Variants in AFF2 observed in about 807,000 individuals in gnomAD.
AFF2 encodes ALF transcription elongation factor 2, also known as AF4/FMR2 family member 2.
Under a neutral mutation model 76.9 loss-of-function variants are expected in AFF2, and 14 were observed. The observed-to-expected ratio is 0.18, with a 90% CI of 0.12 to 0.28. The LOEUF is 0.28. Among genes scored for constraint, AFF2 ranks in the 10% least tolerant of loss-of-function variants. The pLI is 1.00. For missense variants in AFF2, 868 were observed against 1,001.1 expected (o/e 0.87, Z 1.79); for synonymous variants, 398 against 366.7 (o/e 1.09, Z -0.98).
intron 9 of AFF2, among the ~76,000 whole-genome samples, chrX:148,919,642 A>G (rs1557282998): frequency 9.0e-6 from 1 of 111,326 alleles, no homozygotes; most frequent in African/African-American, 3.3e-5. Flanking sequence ...AAAAAGTTAT[A>G]GGTTCACTTT....
At chrX:148,794,351 G>T in intron 3 of AFF2, among the ~76,000 whole-genome samples, 1 of 111,785 alleles carries the variant, frequency 8.9e-6, no homozygotes, top group East Asian at 2.8e-4. Context: ...GTTGGGGGGA[G>T]GACAATTTTG....
chrX:148,676,542 C>T, intron 3 of AFF2, among the ~76,000 whole-genome samples: 1 of 111,677 alleles, frequency 9.0e-6, no homozygotes, highest in Non-Finnish European at 1.9e-5. Context: ...TAGCTTAAGT[C>T]CAGAGATATA....
intron 7 of AFF2, among the ~76,000 whole-genome samples, chrX:148,885,397 A>G (rs781955384): frequency 3.0e-4 from 33 of 111,560 alleles, no homozygotes; most frequent in African/African-American, 1.1e-3. Context: ...ACCCAGCAGC[A>G]GAGGGCACTG....
chrX:148,579,589 A>T (rs1239660811), intron 1 of AFF2, among the ~76,000 whole-genome samples: 2 of 112,212 alleles, frequency 1.8e-5, no homozygotes, highest in Non-Finnish European at 3.8e-5. Flanking sequence ...CCCAACATAA[A>T]TGCTGTTTCA....
At chrX:148,765,565 C>T (rs1226737046) in intron 3 of AFF2, among the ~76,000 whole-genome samples, 7 of 111,582 alleles carry the variant, frequency 6.3e-5, no homozygotes, top group African/African-American at 2.3e-4. Context: ...TAGCATACAG[C>T]GTTTCTGGCT....
At chrX:148,506,328 C>G (rs782346282) in intron 1 of AFF2, among the ~76,000 whole-genome samples, 1 of 111,514 alleles carries the variant, frequency 9.0e-6, no homozygotes, top group Non-Finnish European at 1.9e-5. Context: ...GGGTTCTTGC[C>G]ATTTTATTGA....
At chrX:148,827,842 A>G (rs1054349825) in intron 4 of AFF2, among the ~76,000 whole-genome samples, 1 of 112,047 alleles carries the variant, frequency 8.9e-6, no homozygotes, top group African/African-American at 3.2e-5. Flanking sequence ...TGTTTTCTGA[A>G]TGAATGAAAT....
chrX:148,837,551 G>C, intron 4 of AFF2, 96 bp from the exon 5 acceptor site: 6 of 406,666 alleles, frequency 1.5e-5, no homozygotes, highest in South Asian at 3.5e-5. Flanking sequence ...GTTAAGTTAA[G>C]TTAGTATTTA....
At chrX:148,671,862 G>A (rs1557259123) in intron 3 of AFF2, among the ~76,000 whole-genome samples, 2 of 107,642 alleles carry the variant, frequency 1.9e-5, no homozygotes, top group African/African-American at 6.8e-5. Context: ...TAATCCTTTT[G>A]TCACCACCCA....
chrX:148,646,545 G>A (rs1367265853), intron 1 of AFF2, among the ~76,000 whole-genome samples: 1 of 112,036 alleles, frequency 8.9e-6, no homozygotes, highest in African/African-American at 3.2e-5. Flanking sequence ...AGGACCTCTG[G>A]ACTATTGATG....
intron 10 of AFF2, among the ~76,000 whole-genome samples, chrX:148,955,071 A>T (rs2072016711): frequency 8.8e-6 from 1 of 113,043 alleles, no homozygotes; most frequent in Middle Eastern, 4.6e-3. Flanking sequence ...TTTGTCCTTC[A>T]GTAAAAATAC....
intron 9 of AFF2, among the ~76,000 whole-genome samples, chrX:148,926,216 A>T (rs180989186): frequency 3.6e-5 from 4 of 111,913 alleles, no homozygotes; most frequent in Admixed American, 9.5e-5. Flanking sequence ...TTACGTAGAG[A>T]GTAAGTCCAG....
chrX:148,864,968 T>C (rs1269172566), intron 7 of AFF2, among the ~76,000 whole-genome samples: 1 of 112,232 alleles, frequency 8.9e-6, no homozygotes, highest in Non-Finnish European at 1.9e-5. Context: ...TATAATGTGT[T>C]AGCAGTCAGA....
At chrX:148,977,343 T>G (rs1436482421) in intron 16 of AFF2, among the ~76,000 whole-genome samples, 1 of 109,844 alleles carries the variant, frequency 9.1e-6, no homozygotes, top group East Asian at 2.8e-4. Flanking sequence ...TAAGGGTGCT[T>G]AGACCTTAAA....
At chrX:148,869,287 C>G (rs1240385247) in intron 7 of AFF2, among the ~76,000 whole-genome samples, 4 of 111,134 alleles carry the variant, frequency 3.6e-5, no homozygotes, top group Non-Finnish European at 7.5e-5. Flanking sequence ...TGAAAATGTT[C>G]CTGAACTAGA....
chrX:148,928,626 G>A (rs1328236251), intron 9 of AFF2, among the ~76,000 whole-genome samples: 1 of 111,951 alleles, frequency 8.9e-6, no homozygotes, highest in African/African-American at 3.2e-5. Flanking sequence ...AAGAAAGAGC[G>A]GCCCTGCTTT....
At chrX:148,911,075 T>TTATATATATA (rs35222291) in intron 9 of AFF2, among the ~76,000 whole-genome samples, 1 of 104,333 alleles carries the variant, frequency 9.6e-6, no homozygotes, top group African/African-American at 3.5e-5. Context: ...TGCACATAAA[T>TTATATATATA]TATATATATA....
At chrX:148,985,534 CTT>C (rs1220304285) in intron 19 of AFF2, among the ~76,000 whole-genome samples, 6 of 109,524 alleles carry the variant, frequency 5.5e-5, no homozygotes, top group Admixed American at 9.8e-5. Context: ...ACGAGAAAGT[CTT>C]TCTTTCTTGC....
intron 1 of AFF2, among the ~76,000 whole-genome samples, chrX:148,510,949 T>G (rs2124194602): frequency 8.9e-6 from 1 of 112,252 alleles, no homozygotes; most frequent in Admixed American, 9.4e-5. Flanking sequence ...AGTGCTAAAA[T>G]CACAATGAGC....
Sources: gnomAD v4.1 joint callset for allele counts (sites outside exome capture counted in the v4.1 genomes callset) on GRCh38, gnomAD v4.1.1 for gene constraint, MANE v1.5 for transcripts, NCBI Gene and HGNC (gene_info 2026-07-23, HGNC 2026-07-21) for gene names.